TTLL4: variants seen among roughly 807,000 people sequenced by gnomAD.
The protein encoded by TTLL4 is tubulin tyrosine ligase like 4.
In TTLL4, 85 loss-of-function variants were observed where a neutral mutation model predicts 122.7. The observed-to-expected ratio is 0.69, with a 90% CI of 0.58 to 0.83. The LOEUF (loss-of-function observed/expected upper bound fraction) is 0.83. TTLL4 is among the 40% of genes least tolerant of loss of function. The pLI, the probability that TTLL4 is intolerant of heterozygous loss-of-function variation, is 0.00. For missense variants in TTLL4, 1,363 were observed against 1,488.6 expected (o/e 0.92, Z 1.39); for synonymous variants, 553 against 563.0 (o/e 0.98, Z 0.25).
At chr2:218,752,038 G>A (rs1335328663) in intron 16 of TTLL4, among the ~76,000 whole-genome samples, 2 of 151,738 alleles carry the variant, frequency 1.3e-5, no homozygotes, top group Non-Finnish European at 2.9e-5. Context: ...CTCCCGAGTA[G>A]CTGGGATTAG....
chr2:218,739,605 A>G (rs1420295971), intron 3 of TTLL4, among the ~76,000 whole-genome samples: 2 of 152,202 alleles, frequency 1.3e-5, no homozygotes, highest in African/African-American at 2.4e-5. Context: ...AAACCAAATG[A>G]GGTTCTCAGT....
rs893913922 is a variant in TTLL4 at position 218,746,195 on chromosome 2, G to A, written c.1938G>A (p.Lys646=). The change falls in exon 8 of 20, where the codon AAG becomes AAA. Residue 646 remains lysine (K), a synonymous_variant. Transcript: ENST00000392102. ...DWLGCWGHHM[K]SPSFRSIREH... ...TGGGCTGCTGGGGTCACCACATGAA[G>A]TCTCCTAGTTTCCGATCCATTCGAG... 1 of 1,614,110 alleles carries A rather than the reference G, an allele frequency of 6.2e-7. No homozygotes were observed. Among genetic ancestry groups the A allele is most frequent in the Non-Finnish European group, 8.5e-7 (1 of 1,180,036 alleles).
chr2:218,727,789 T>A (rs1020199606), intron 2 of TTLL4, among the ~76,000 whole-genome samples: 6 of 152,200 alleles, frequency 3.9e-5, no homozygotes, highest in African/African-American at 7.2e-5. Context: ...GAGTTCCTGG[T>A]TAGAGAGCTC....
At position 218,738,089 on chromosome 2, in the gene TTLL4, C is replaced by T. The variant is rs140587312; in HGVS notation, c.413C>T (p.Ser138Leu). 3.4e-4 allele frequency: 543 copies of T among 1,614,050 alleles called. 2 individuals carry two copies. In the African/African-American group the frequency reaches 4.6e-3, roughly 14 times the overall value. Residue 138 changes from serine to leucine, a missense_variant, in exon 3 of 20, where the codon TCG (serine) becomes TTG (leucine). Ser to Leu is a moderately radical substitution (Grantham distance 145). This residue lies in a region of TTLL4 where 760 missense variants were observed against 808.4 expected (regional missense o/e 0.94). Coordinates refer to ENST00000392102, the MANE Select transcript of TTLL4 (RefSeq NM_014640.5). Reference protein sequence around the residue: ...YQQLESFCLRSSPSEKSPFSL... With the variant: ...YQQLESFCLRLSPSEKSPFSL... ...CAACTGGAGTCTTTCTGCTTGCGTT[C>T]GAGCCCGTCAGAAAAAAGCCCTTTT... is the stretch of plus-strand genomic sequence containing the variant.
At chr2:218,720,383 AGGAGAT>A (rs1941997276) in intron 1 of TTLL4, among the ~76,000 whole-genome samples, 1 of 152,170 alleles carries the variant, frequency 6.6e-6, no homozygotes, top group Non-Finnish European at 1.5e-5. Flanking sequence ...AATAGCAACA[AGGAGAT>A]GGTGGTAAGA....
chr2:218,742,258 T>C (rs1942723334), intron 5 of TTLL4, among the ~76,000 whole-genome samples: 1 of 152,150 alleles, frequency 6.6e-6, no homozygotes, highest in Admixed American at 6.6e-5. Context: ...GTCTGAGCCA[T>C]TGCACCTGAC....
intron 19 of TTLL4, 22 bp downstream of exon 19, chr2:218,753,691 G>A: frequency 1.2e-6 from 2 of 1,613,074 alleles, no homozygotes; most frequent in African/African-American, 1.3e-5. Context: ...CTGGGCAAGG[G>A]AGGGGCTGCT....
At chr2:218,746,102 C>T in intron 7 of TTLL4, 53 bp from the exon 8 acceptor site, 1 of 1,607,574 alleles carries the variant, frequency 6.2e-7, no homozygotes, top group South Asian at 1.1e-5. Context: ...GGGCCTCTCT[C>T]TGTCCCTGGA....
At chr2:218,721,421 G>A (rs1186877560) in intron 1 of TTLL4, among the ~76,000 whole-genome samples, 1 of 152,180 alleles carries the variant, frequency 6.6e-6, no homozygotes, top group Non-Finnish European at 1.5e-5. Context: ...CACAACCTGT[G>A]CCTTGCAATT....
rs1250278616 is a variant in TTLL4, at chr2:218,737,750, C to T, written c.74C>T (p.Ser25Leu). 6.2e-7 allele frequency: 1 copy of T among 1,614,020 alleles called. No individual in the cohort carries two copies. The highest frequency in any genetic ancestry group is 8.5e-7 in the Non-Finnish European group (1 of 1,179,866). Reference sequence around the variant, plus strand: ...AACAGCTTCAAGCAGAGTGGTCCCTCAGGCACAGTACCTGCCACGCCACCT... The same window carrying T: ...AACAGCTTCAAGCAGAGTGGTCCCTTAGGCACAGTACCTGCCACGCCACCT... The part of the protein sequence containing the change: ...QKNSFKQSGP[S>L]GTVPATPPEK... Residue 25 changes from serine (S) to leucine (L), a missense_variant, in exon 3 of 20, where the codon TCA becomes TTA. Physicochemically the swap from Ser to Leu is moderately radical, Grantham distance 145. Coordinates refer to ENST00000392102, the MANE Select transcript of TTLL4 (RefSeq NM_014640.5).
intron 1 of TTLL4, among the ~76,000 whole-genome samples, chr2:218,726,481 C>G (rs144204191): frequency 3.3e-5 from 5 of 152,058 alleles, no homozygotes; most frequent in Admixed American, 3.3e-4. Context: ...ATTTTTTTTC[C>G]GAGACAGAGT....
chr2:218,748,134 A>AT lies in TTLL4; in HGVS notation c.2409dup (p.Lys804Ter). ...TCGCCTTCCATGAAGAGCCTTGGCA[A>AT]TAAGTTCATGCACCTGACCAACTAC... On this transcript the variant is annotated frameshift_variant, in exon 12 of 20. Transcript: ENST00000392102. LOFTEE classifies it high-confidence loss of function. 6.2e-7 allele frequency: 1 copy of AT among 1,614,102 alleles called. No homozygotes were observed. Among genetic ancestry groups the AT allele is most frequent in the South Asian group, 1.1e-5 (1 of 91,072 alleles).
At chr2:218,744,826 T>A (rs1366301599) in intron 5 of TTLL4, among the ~76,000 whole-genome samples, 1 of 152,216 alleles carries the variant, frequency 6.6e-6, no homozygotes, top group Non-Finnish European at 1.5e-5. Context: ...TCAGGGACTT[T>A]CCCAGCCAAT....
In TTLL4 at chr2:218,738,694, G is replaced by C. The variant is rs143880351; in HGVS notation, c.1018G>C (p.Val340Leu). 8.1e-6 allele frequency: 13 copies of C among 1,614,240 alleles called. No homozygotes were observed. Among genetic ancestry groups the C allele is most frequent in the Non-Finnish European group, 1.1e-5 (13 of 1,180,048 alleles). The change falls in exon 3 of 20, where the codon GTG becomes CTG. Residue 340 changes from valine (V) to leucine (L), a missense_variant. Around this residue, in one of 3 missense-constraint regions of TTLL4, gnomAD observed 760 missense variants for 808.4 expected, o/e 0.94. Coordinates refer to ENST00000392102, the MANE Select transcript of TTLL4 (RefSeq NM_014640.5). ...PTKEIRFTEA[V>L]RKLTARGFEK... ...TAAGGAGATTCGGTTCACTGAGGCCGTGAGGAAATTGACCGCAAGAGGCTT... is the reference window on the plus strand; with the variant it reads ...TAAGGAGATTCGGTTCACTGAGGCCCTGAGGAAATTGACCGCAAGAGGCTT...
intron 1 of TTLL4, among the ~76,000 whole-genome samples, chr2:218,712,690 A>G (rs551118077): frequency 2.4e-3 from 360 of 152,202 alleles, no homozygotes; most frequent in Non-Finnish European, 2.4e-3. Flanking sequence ...CCCGGCCCCA[A>G]TGAACTCTTT....
intron 7 of TTLL4, 176 bp from the exon 8 acceptor site, chr2:218,745,979 T>C: frequency 3.4e-6 from 3 of 879,672 alleles, no homozygotes; most frequent in Non-Finnish European, 5.6e-6. Context: ...TGTTCAGAAT[T>C]GAGAGACAGA....
intron 5 of TTLL4, 128 bp from the exon 6 acceptor site, chr2:218,744,981 G>T: frequency 7.9e-7 from 1 of 1,258,130 alleles, no homozygotes; most frequent in South Asian, 1.5e-5. Flanking sequence ...ATTAATTATT[G>T]AGCACCTGGC....
intron 6 of TTLL4, 59 bp from the exon 7 acceptor site, chr2:218,745,632 C>A: frequency 8.5e-7 from 1 of 1,182,120 alleles, no homozygotes; most frequent in Non-Finnish European, 1.2e-6. Context: ...TTTGTCTTCT[C>A]ATCATGACTC....
At chr2:218,741,340 A>C (rs1448167338) in intron 5 of TTLL4, among the ~76,000 whole-genome samples, 2 of 152,150 alleles carry the variant, frequency 1.3e-5, no homozygotes, top group Admixed American at 6.6e-5. Context: ...TTTTAATTAA[A>C]ACCTGTATAT....
Sources: gnomAD v4.1 joint callset for allele counts (sites outside exome capture counted in the v4.1 genomes callset) on GRCh38, gnomAD v4.1.1 for gene constraint, gnomAD v4.1.1 regional missense constraint, MANE v1.5 for transcripts, NCBI Gene and HGNC (gene_info 2026-07-23, HGNC 2026-07-21) for gene names.